CCDC91: variants seen among roughly 807,000 people sequenced by gnomAD.
CCDC91 encodes coiled-coil domain containing 91.
A neutral mutation model predicts 63.2 loss-of-function variants in CCDC91; 48 were observed. The ratio of observed to expected loss-of-function variants is 0.76; its 90% CI spans 0.60 to 0.97. The LOEUF is 0.97. Among genes scored for constraint, CCDC91 ranks in the 50% least tolerant of loss-of-function variants. The pLI is 0.00. For missense variants in CCDC91, 500 were observed against 494.6 expected (o/e 1.01, Z -0.10); for synonymous variants, 167 against 165.8 (o/e 1.01, Z -0.06).
At chr12:28,333,810 C>G (rs922960362) in intron 6 of CCDC91, among the ~76,000 whole-genome samples, 1 of 152,182 alleles carries the variant, frequency 6.6e-6, no homozygotes, top group South Asian at 2.1e-4. Context: ...GTTTCTCACA[C>G]GTGTAATTTG....
Position 28,289,849 on chromosome 12 carries a change from G to A in CCDC91, c.110-15800G>A, listed in dbSNP as rs548155666. ...TGGGACTACAGATGCCCGCCACCAC[G>A]CCTGGCTAATTTTTTGTATTTTTTA... is the stretch of plus-strand genomic sequence containing the variant. On this transcript the variant is annotated intron_variant, in intron 3 of 12. Coordinates refer to ENST00000536442, the MANE Select transcript of CCDC91 (RefSeq NM_018318.5). 3.2e-4 allele frequency among the ~76,000 whole-genome samples: 48 copies of A among 151,712 alleles called. 1 individual carries two copies. Among genetic ancestry groups the A allele is most frequent in the Non-Finnish European group, 8.8e-5 (6 of 67,880 alleles).
In CCDC91 at chr12:28,452,610, C is replaced by A; in HGVS notation, c.1057C>A (p.Gln353Lys). 1 of 1,572,988 alleles carries A rather than the reference C, an allele frequency of 6.4e-7. No homozygotes were observed. The highest frequency in any genetic ancestry group is 1.2e-5 in the South Asian group (1 of 83,816). ...TGCAAAAGATCAAGAAAAAGTATCT[C>A]AGGAAATTCAAAAAGCTATACAAGA... ...EHAKDQEKVS[Q>K]EIQKAIQEQR... Residue 353 changes from glutamine to lysine, a missense_variant, in exon 11 of 13, where the codon CAG (glutamine) becomes AAG (lysine). Coordinates refer to ENST00000536442, the MANE Select transcript of CCDC91 (RefSeq NM_018318.5).
rs185604959 is a variant in CCDC91, at chr12:28,478,518, A to T, written c.1102-5534A>T. ...TAAAACCATAAAAACCCTAGAAGAA[A>T]ACCTAGGCAATACCATTCAGGACAT... On this transcript the variant is annotated intron_variant, in intron 11 of 12. Coordinates refer to ENST00000536442, the MANE Select transcript of CCDC91 (RefSeq NM_018318.5). Among the ~76,000 whole-genome samples, 385 of 152,262 alleles carry T rather than the reference A, an allele frequency of 2.5e-3. 1 individual carries two copies. Among genetic ancestry groups the T allele is most frequent in the Middle Eastern group, 0.01 (3 of 294 alleles).
intron 8 of CCDC91, among the ~76,000 whole-genome samples, chr12:28,409,703 T>C (rs913677400): frequency 3.9e-5 from 6 of 152,156 alleles, no homozygotes; most frequent in African/African-American, 1.4e-4. Context: ...TTCTAAGTAC[T>C]ACTTTAGGTG....
chr12:28,402,241 G>A (rs1347457077), intron 8 of CCDC91, among the ~76,000 whole-genome samples: 1 of 152,082 alleles, frequency 6.6e-6, no homozygotes, highest in Non-Finnish European at 1.5e-5. Context: ...CTGACACTTT[G>A]ACAATATTGA....
chr12:28,528,738 G>T (rs1438719467), intron 12 of CCDC91, among the ~76,000 whole-genome samples: 3 of 151,990 alleles, frequency 2.0e-5, no homozygotes, highest in Non-Finnish European at 4.4e-5. Flanking sequence ...ATGGTTTAGG[G>T]GTTTTTATGT....
At chr12:28,242,179 G>T (rs540368515) in intron 1 of CCDC91, among the ~76,000 whole-genome samples, 29 of 152,114 alleles carry the variant, frequency 1.9e-4, no homozygotes, top group African/African-American at 6.5e-4. Context: ...GGGTGCCAGG[G>T]GATTTGGTCA....
At chr12:28,229,407 G>C (rs1944456934) in intron 1 of CCDC91, among the ~76,000 whole-genome samples, 1 of 152,118 alleles carries the variant, frequency 6.6e-6, no homozygotes, top group Non-Finnish European at 1.5e-5. Flanking sequence ...AGTGGTAAGT[G>C]CTATGCAGAG....
chr12:28,230,075 G>A (rs1944493819), intron 1 of CCDC91, among the ~76,000 whole-genome samples: 1 of 152,120 alleles, frequency 6.6e-6, no homozygotes, highest in Non-Finnish European at 1.5e-5. Context: ...ACTTCTGAGG[G>A]TGAGAGATGG....
At chr12:28,371,860 A>G (rs1476111772) in intron 7 of CCDC91, among the ~76,000 whole-genome samples, 1 of 152,130 alleles carries the variant, frequency 6.6e-6, no homozygotes, top group African/African-American at 2.4e-5. Context: ...CACTACCTTT[A>G]CTGGCATGCT....
intron 1 of CCDC91, among the ~76,000 whole-genome samples, chr12:28,242,166 A>G (rs1346967974): frequency 6.6e-6 from 1 of 151,996 alleles, no homozygotes; most frequent in Non-Finnish European, 1.5e-5. Flanking sequence ...CCCTGCCCTG[A>G]GGGGGTGCCA....
intron 3 of CCDC91, among the ~76,000 whole-genome samples, chr12:28,270,794 T>C (rs959979979): frequency 6.6e-6 from 1 of 152,124 alleles, no homozygotes; most frequent in Non-Finnish European, 1.5e-5. Flanking sequence ...AACTAGATTC[T>C]CATTGGTTAT....
rs549320446 is a variant in CCDC91, at chr12:28,388,458, C to T, written c.655-2846C>T. 1.9e-4 allele frequency among the ~76,000 whole-genome samples: 29 copies of T among 152,252 alleles called. No homozygotes were observed. The East Asian group carries it at 2.5e-3, about 13-fold the overall frequency. On this transcript the variant is annotated intron_variant, in intron 7 of 12. Transcript: ENST00000536442. The stretch of plus-strand genomic sequence containing the variant: ...TACACAGATCAGTAGCTCTGTCATA[C>T]GCCAACAGCAACCAAACTGAGAATC...
intron 8 of CCDC91, among the ~76,000 whole-genome samples, chr12:28,444,674 A>T (rs1236898284): frequency 6.6e-6 from 1 of 152,168 alleles, no homozygotes; most frequent in African/African-American, 2.4e-5. Context: ...ACTGGGGTCT[A>T]CTTGAGAGTG....
intron 8 of CCDC91, among the ~76,000 whole-genome samples, chr12:28,401,990 C>T (rs191927565): frequency 6.6e-6 from 1 of 152,066 alleles, no homozygotes; most frequent in Non-Finnish European, 1.5e-5. Flanking sequence ...CTATCGATTA[C>T]CCCCATACCT....
intron 1 of CCDC91, among the ~76,000 whole-genome samples, chr12:28,247,715 T>C (rs1565668398): frequency 1.3e-5 from 2 of 152,062 alleles, no homozygotes; most frequent in Admixed American, 6.6e-5. Flanking sequence ...GGAGTAGATG[T>C]ATTCTGGAGG....
chr12:28,194,132 A>AT (rs76780538), intron 1 of CCDC91, among the ~76,000 whole-genome samples: 2 of 151,778 alleles, frequency 1.3e-5, no homozygotes, highest in Non-Finnish European at 2.9e-5. Context: ...CGTTGCAAAG[A>AT]TTTTTTTTCT....
At chr12:28,216,397 G>T (rs1230470328) in intron 1 of CCDC91, among the ~76,000 whole-genome samples, 3 of 151,842 alleles carry the variant, frequency 2.0e-5, no homozygotes, top group Non-Finnish European at 4.4e-5. Flanking sequence ...CTTTAACATG[G>T]TTTCAGTAAG....
chr12:28,494,517 A>G (rs1000906575), intron 12 of CCDC91, among the ~76,000 whole-genome samples: 2 of 151,676 alleles, frequency 1.3e-5, no homozygotes, highest in African/African-American at 2.4e-5. Context: ...TTATATTTTC[A>G]TGTGCTATAT....
Sources: allele counts gnomAD v4.1 joint callset (sites outside exome capture counted in the v4.1 genomes callset), GRCh38; gene constraint gnomAD v4.1.1; transcripts MANE v1.5; gene names NCBI Gene and HGNC (gene_info 2026-07-23, HGNC 2026-07-21).